WWC2: variants seen among roughly 807,000 people sequenced by gnomAD.
WWC2 encodes protein WWC2.
Under a neutral mutation model 138.5 loss-of-function variants are expected in WWC2, and 101 were observed. The observed-to-expected ratio is 0.73, with a 90% CI of 0.62 to 0.86. The LOEUF (loss-of-function observed/expected upper bound fraction) is 0.86. Among genes scored for constraint, WWC2 ranks in the 40% least tolerant of loss-of-function variants. The probability of loss-of-function intolerance (pLI) is 0.00; values close to 1 mark genes in which losing one functional copy is unlikely to be tolerated. For missense variants in WWC2, 1,420 were observed against 1,419.4 expected (o/e 1.00, Z -0.01); for synonymous variants, 558 against 538.4 (o/e 1.04, Z -0.50).
intron 16 of WWC2, among the ~76,000 whole-genome samples, chr4:183,276,959 GCAT>G (rs1169846340): frequency 7.3e-5 from 11 of 151,104 alleles, no homozygotes; most frequent in African/African-American, 2.4e-4. Context: ...AGTTCATACA[GCAT>G]CATTTCTTTT....
intron 4 of WWC2, among the ~76,000 whole-genome samples, chr4:183,217,323 A>G (rs1045954843): frequency 1.3e-5 from 2 of 152,150 alleles, no homozygotes; most frequent in African/African-American, 4.8e-5. Context: ...GTATATTCTA[A>G]AAGTGTATTG....
chr4:183,251,080 T>C lies in WWC2; in HGVS notation c.953+1087T>C, dbSNP rs139041436. Among the ~76,000 whole-genome samples, 621 of 152,384 alleles carry C rather than the reference T, an allele frequency of 4.1e-3. 4 individuals carry two copies. The highest frequency in any genetic ancestry group is 0.014 in the African/African-American group (575 of 41,596). On this transcript the variant is annotated intron_variant, in intron 8 of 22. Coordinates refer to ENST00000403733, the MANE Select transcript of WWC2 (RefSeq NM_024949.6). ...GAGCTTGAACAAGTCACTTAGGCGA[T>C]CTGAACAGCAATTTACTCAGCTAAT...
chr4:183,257,955 A>G (rs1030020785), intron 9 of WWC2, among the ~76,000 whole-genome samples: 1 of 152,172 alleles, frequency 6.6e-6, no homozygotes, highest in African/African-American at 2.4e-5. Flanking sequence ...AGCAGACATT[A>G]AAGGGCTGGA....
intron 1 of WWC2, among the ~76,000 whole-genome samples, chr4:183,164,438 AAT>A (rs1344441977): frequency 1.4e-5 from 2 of 143,418 alleles, no homozygotes; most frequent in South Asian, 2.2e-4. Flanking sequence ...ATATATTTTT[AAT>A]ATATATATTT....
chr4:183,188,453 G>C (rs1458694145), intron 1 of WWC2, among the ~76,000 whole-genome samples: 1 of 151,956 alleles, frequency 6.6e-6, no homozygotes, highest in Non-Finnish European at 1.5e-5. Flanking sequence ...GACCAAGCTG[G>C]TCTTGAACTC....
At chr4:183,286,883 G>T (rs1738272245) in intron 20 of WWC2, among the ~76,000 whole-genome samples, 1 of 152,148 alleles carries the variant, frequency 6.6e-6, no homozygotes, top group Non-Finnish European at 1.5e-5. Flanking sequence ...GGGCTCAGTT[G>T]ACAGCAGTTG....
chr4:183,188,222 C>A (rs896856838), intron 1 of WWC2, among the ~76,000 whole-genome samples: 1 of 151,980 alleles, frequency 6.6e-6, no homozygotes, highest in Non-Finnish European at 1.5e-5. Flanking sequence ...AGAGATGATT[C>A]TCCCCATTGT....
At chr4:183,309,830 G>T (rs937244150) in intron 21 of WWC2, among the ~76,000 whole-genome samples, 2 of 152,198 alleles carry the variant, frequency 1.3e-5, no homozygotes, top group Admixed American at 1.3e-4. Context: ...CCTTCAGTAG[G>T]TGAATGGTTA....
chr4:183,226,791 G>A (rs956915962), intron 4 of WWC2, among the ~76,000 whole-genome samples: 1 of 152,022 alleles, frequency 6.6e-6, no homozygotes, highest in African/African-American at 2.4e-5. Flanking sequence ...TGTCCACACT[G>A]TATGTCTCCT....
intron 9 of WWC2, among the ~76,000 whole-genome samples, chr4:183,254,446 C>T (rs115330831): frequency 0.01 from 1,542 of 152,306 alleles, 11 homozygotes; most frequent in Non-Finnish European, 0.014. Context: ...CAGGTCACAA[C>T]GTACTCACTT....
chr4:183,144,681 C>T (rs1043162522), intron 1 of WWC2, among the ~76,000 whole-genome samples: 22 of 150,232 alleles, frequency 1.5e-4, no homozygotes, highest in Admixed American at 3.9e-4. Context: ...ATTACTTATT[C>T]GCGATGTCTT....
rs1192723804 is a variant in WWC2 at position 183,319,670 on chromosome 4, G to A, written c.*3941G>A. The A allele has an allele frequency of 3.7e-6, 6 of 1,614,164 alleles. No homozygotes were observed. In the Admixed American group the frequency reaches 1.0e-4, roughly 27 times the overall value. On this transcript the variant is annotated 3_prime_UTR_variant, in exon 23 of 23. Transcript: ENST00000403733. ...CGTGGCTGGAGCAGGCTGCACAGTG[G>A]AGCAGACACCCTCCTAGCAGAAGAG... is the stretch of plus-strand genomic sequence containing the variant.
At position 183,318,551 on chromosome 4, in the gene WWC2, T is replaced by C. The variant is rs1739521028; in HGVS notation, c.*2822T>C. 6.6e-6 allele frequency: 1 copy of C among 152,266 alleles called. No individual in the cohort carries two copies. Among genetic ancestry groups the C allele is most frequent in the Non-Finnish European group, 1.5e-5 (1 of 67,964 alleles). The allele number at this position is 152,266 out of a possible 1,614,324, so 9.4% of individuals were successfully genotyped here. On this transcript the variant is annotated 3_prime_UTR_variant, in exon 23 of 23. Transcript: ENST00000403733. ...TGCCTAATACTCTATTTCAGTGTCGTTTATTGTTCAGTTTATTTCCCTGAT... is the reference window on the plus strand; with the variant it reads ...TGCCTAATACTCTATTTCAGTGTCGCTTATTGTTCAGTTTATTTCCCTGAT...
At chr4:183,246,951 T>G (rs1236349699) in intron 6 of WWC2, among the ~76,000 whole-genome samples, 2 of 152,212 alleles carry the variant, frequency 1.3e-5, no homozygotes. Flanking sequence ...TCTTTCATTC[T>G]TCCTATAAAC....
chr4:183,148,779 G>A (rs1295563301), intron 1 of WWC2, among the ~76,000 whole-genome samples: 1 of 152,134 alleles, frequency 6.6e-6, no homozygotes, highest in Non-Finnish European at 1.5e-5. Flanking sequence ...CTTCTTTCCT[G>A]TGCCAGGGTG....
chr4:183,312,547 A>G (rs1739292765), intron 22 of WWC2, 79 bp downstream of exon 22: 1 of 1,584,934 alleles, frequency 6.3e-7, no homozygotes, highest in African/African-American at 1.3e-5. Context: ...CAGTGCAGTG[A>G]AAGTTAATAT....
chr4:183,169,040 G>T (rs946961270), intron 1 of WWC2, among the ~76,000 whole-genome samples: 3 of 151,706 alleles, frequency 2.0e-5, no homozygotes. Context: ...TAGAGATGGG[G>T]TTTCTCCATG....
At chr4:183,144,601 ATAAT>A (rs1240217874) in intron 1 of WWC2, among the ~76,000 whole-genome samples, 2 of 152,220 alleles carry the variant, frequency 1.3e-5, no homozygotes, top group Non-Finnish European at 2.9e-5. Context: ...TTTGAAAGTA[ATAAT>A]TAAGTCCATG....
At chr4:183,143,534 A>G (rs1201006816) in intron 1 of WWC2, among the ~76,000 whole-genome samples, 1 of 152,158 alleles carries the variant, frequency 6.6e-6, no homozygotes, top group Non-Finnish European at 1.5e-5. Context: ...TTGGCTGGGC[A>G]TGGTGACTCA....
Sources: allele counts gnomAD v4.1 joint callset (sites outside exome capture counted in the v4.1 genomes callset), GRCh38; gene constraint gnomAD v4.1.1; transcripts MANE v1.5; gene names NCBI Gene and HGNC (gene_info 2026-07-23, HGNC 2026-07-21).